Variants in COX5A observed in about 807,000 individuals in gnomAD.
COX5A encodes the protein cytochrome c oxidase subunit 5A, mitochondrial.
In COX5A, 6 loss-of-function variants were observed where a neutral mutation model predicts 16.1. That is an observed-to-expected ratio of 0.37 (90% CI 0.20 to 0.73). The LOEUF (loss-of-function observed/expected upper bound fraction) is 0.73, where lower values mean the gene tolerates loss of function less well. Among genes scored for constraint, COX5A ranks in the 30% least tolerant of loss-of-function variants. The pLI, the probability that COX5A is intolerant of heterozygous loss-of-function variation, is 0.50. For missense variants in COX5A, 159 were observed against 194.9 expected (o/e 0.82, Z 1.10); for synonymous variants, 73 against 73.8 (o/e 0.99, Z 0.06).
intron 4 of COX5A, among the ~76,000 whole-genome samples, chr15:74,921,786 T>A (rs932991346): frequency 6.6e-6 from 1 of 152,144 alleles, no homozygotes; most frequent in African/African-American, 2.4e-5. Context: ...AAAATTTCCA[T>A]TCTGAACAAC....
intron 4 of COX5A, among the ~76,000 whole-genome samples, chr15:74,923,347 G>A (rs1368904782): frequency 4.6e-5 from 7 of 151,758 alleles, no homozygotes; most frequent in Non-Finnish European, 1.0e-4. Context: ...CCAGGATGCG[G>A]AGGCTGCAGC....
chr15:74,922,430 C>T (rs961725814), intron 4 of COX5A, among the ~76,000 whole-genome samples: 6 of 151,792 alleles, frequency 4.0e-5, no homozygotes, highest in African/African-American at 1.2e-4. Context: ...AAGTTTTCAG[C>T]ATTTTCTGTT....
intron 3 of COX5A, among the ~76,000 whole-genome samples, chr15:74,926,472 G>A (rs569690143): frequency 9.0e-4 from 135 of 149,474 alleles, no homozygotes; most frequent in African/African-American, 2.8e-3. Flanking sequence ...CATCACACAC[G>A]GCCAAGATAA....
chr15:74,931,519 T>C (rs1027093545), intron 1 of COX5A, among the ~76,000 whole-genome samples: 2 of 151,686 alleles, frequency 1.3e-5, no homozygotes, highest in African/African-American at 4.8e-5. Context: ...AAAGAAATGA[T>C]GTTTACATAG....
chr15:74,931,129 T>C (rs2065365646), intron 1 of COX5A, among the ~76,000 whole-genome samples: 1 of 150,874 alleles, frequency 6.6e-6, no homozygotes, highest in Non-Finnish European at 1.5e-5. Flanking sequence ...TACAGCCCCT[T>C]CCCAAAATAT....
chr15:74,934,085 C>T (rs2065378297), intron 1 of COX5A, among the ~76,000 whole-genome samples: 1 of 152,118 alleles, frequency 6.6e-6, no homozygotes, highest in Admixed American at 6.6e-5. Context: ...AAAGACAGAC[C>T]TCCATTCTCC....
intron 1 of COX5A, among the ~76,000 whole-genome samples, chr15:74,933,832 T>G (rs1374332121): frequency 2.0e-5 from 3 of 152,210 alleles, no homozygotes; most frequent in Admixed American, 1.3e-4. Flanking sequence ...TTTTGTTCAC[T>G]GCTGGGCATG....
At chr15:74,931,948 C>T (rs906724875) in intron 1 of COX5A, among the ~76,000 whole-genome samples, 1 of 152,142 alleles carries the variant, frequency 6.6e-6, no homozygotes, top group Non-Finnish European at 1.5e-5. Flanking sequence ...GGGGGATAGG[C>T]GGAGGCAGAA....
At chr15:74,929,772 C>T (rs2065358574) in intron 1 of COX5A, among the ~76,000 whole-genome samples, 1 of 151,658 alleles carries the variant, frequency 6.6e-6, no homozygotes, top group African/African-American at 2.4e-5. Context: ...AACACAGCGA[C>T]ACCCCACTTC....
intron 1 of COX5A, 127 bp downstream of exon 1, chr15:74,937,788 G>A: frequency 1.8e-6 from 1 of 567,452 alleles, no homozygotes; most frequent in Non-Finnish European, 2.6e-6. Flanking sequence ...GCGGCCCGCG[G>A]TCACCGGGTT....
At chr15:74,929,449 AC>A (rs1443481277) in intron 1 of COX5A, among the ~76,000 whole-genome samples, 1 of 152,254 alleles carries the variant, frequency 6.6e-6, no homozygotes, top group African/African-American at 2.4e-5. Flanking sequence ...GCATGTTTAT[AC>A]TTTTCTCCCT....
Position 74,930,453 on chromosome 15 carries a change from A to C in COX5A, c.101-1221T>G, listed in dbSNP as rs376253237. Reference sequence around the variant, plus strand: ...AAAAGACAATAAACAACAACAACAAAAAAAACCAAAAAAGCAACAAAAAAA... The same window carrying C: ...AAAAGACAATAAACAACAACAACAACAAAAACCAAAAAAGCAACAAAAAAA... On this transcript the variant is annotated intron_variant, in intron 1 of 4. Transcript: ENST00000322347. Among the ~76,000 whole-genome samples the C allele has an allele frequency of 1.3e-4, 14 of 110,252 alleles. No homozygotes were observed. The East Asian group carries it at 2.5e-3, about 19-fold the overall frequency. 72.3% of individuals were successfully genotyped at this position (110,252 alleles called of 152,430 possible).
At chr15:74,928,819 G>A (rs1394806444) in intron 2 of COX5A, among the ~76,000 whole-genome samples, 1 of 152,190 alleles carries the variant, frequency 6.6e-6, no homozygotes, top group Admixed American at 6.6e-5. Flanking sequence ...ATTTTTGGTT[G>A]TCATGATACG....
chr15:74,927,407 C>T lies in COX5A; in HGVS notation c.218-520G>A, dbSNP rs140286939. Among the ~76,000 whole-genome samples, 329 of 152,118 alleles carry T rather than the reference C, an allele frequency of 2.2e-3. 3 individuals carry two copies. The highest frequency in any genetic ancestry group is 7.6e-3 in the African/African-American group (316 of 41,522). ...GGCCTGGCTGGCCTTGAACTCCTGACCTCGTGATCCACCTGCCTCGGCCTC... is the reference window on the plus strand; with the variant it reads ...GGCCTGGCTGGCCTTGAACTCCTGATCTCGTGATCCACCTGCCTCGGCCTC... On this transcript the variant is annotated intron_variant, in intron 2 of 4. Transcript: ENST00000322347.
rs773308546 is a variant in COX5A at position 74,929,231 on chromosome 15, A to G, written c.102T>C (p.Ala34=). The G allele has an allele frequency of 6.3e-7, 1 of 1,595,218 alleles. No individual in the cohort carries two copies. Among genetic ancestry groups the G allele is most frequent in the East Asian group, 2.2e-5 (1 of 44,774 alleles). The change falls in exon 2 of 5, where the codon GCT becomes GCC. Residue 34 remains alanine (A), a splice_region_variant and synonymous_variant. Coordinates refer to ENST00000322347, the MANE Select transcript of COX5A (RefSeq NM_004255.4). The part of the protein sequence containing the change: ...HSARTPGPAV[A]IQSVRCYSHG... ...GGGAATAGCAGCGAACTGACTGGAT[A>G]GCTATAATGTGAAAGAACCATAACT...
intron 1 of COX5A, among the ~76,000 whole-genome samples, chr15:74,930,471 C>A (rs370481469): frequency 6.5e-5 from 9 of 137,534 alleles, no homozygotes; most frequent in East Asian, 2.3e-4. Context: ...AAAAAAGCAA[C>A]AAAAAAAAAA....
intron 3 of COX5A, among the ~76,000 whole-genome samples, chr15:74,926,032 A>ATTTTTTT (rs755631696): frequency 9.3e-6 from 1 of 107,662 alleles, no homozygotes; most frequent in Non-Finnish European, 1.9e-5. Context: ...TGCCCAGCTA[A>ATTTTTTT]TTTTTTTTTT....
rs750404271 is a variant in COX5A at position 74,920,395 on chromosome 15, C to T, written c.*57G>A. 1 of 695,276 alleles carries T rather than the reference C, an allele frequency of 1.4e-6. No individual in the cohort carries two copies. Among genetic ancestry groups the T allele is most frequent in the South Asian group, 1.5e-5 (1 of 64,938 alleles). 43.1% of individuals were successfully genotyped at this position (695,276 alleles called of 1,614,324 possible). On this transcript the variant is annotated 3_prime_UTR_variant, in exon 5 of 5. Transcript: ENST00000322347. Reference sequence around the variant, plus strand: ...TGTTATCATCAGTATTTCCAGGTAACTGTTCACACTCAAGTAGCAATGTCA... The same window carrying T: ...TGTTATCATCAGTATTTCCAGGTAATTGTTCACACTCAAGTAGCAATGTCA...
At chr15:74,934,820 G>A (rs959294648) in intron 1 of COX5A, among the ~76,000 whole-genome samples, 9 of 151,988 alleles carry the variant, frequency 5.9e-5, no homozygotes, top group African/African-American at 2.2e-4. Flanking sequence ...AAATTATTTT[G>A]GAAAACAATT....
Sources: gnomAD v4.1 joint callset for allele counts (sites outside exome capture counted in the v4.1 genomes callset) on GRCh38, gnomAD v4.1.1 for gene constraint, MANE v1.5 for transcripts, NCBI Gene and HGNC (gene_info 2026-07-23, HGNC 2026-07-21) for gene names.